METTL14: variants seen among roughly 807,000 people sequenced by gnomAD.
METTL14 encodes N(6)-adenosine-methyltransferase non-catalytic subunit METTL14.
In METTL14, 32 loss-of-function variants were observed where a neutral mutation model predicts 62.4. The observed-to-expected ratio is 0.51, with a 90% confidence interval of 0.39 to 0.69. METTL14 has a LOEUF of 0.69. Among genes scored for constraint, METTL14 ranks in the 30% least tolerant of loss-of-function variants. The pLI is 0.00. For synonymous variants in METTL14, 150 were observed against 180.0 expected (o/e 0.83, Z 1.34); for missense variants, 340 against 551.9 (o/e 0.62, Z 3.85).
chr4:118,691,130 T>G (rs974091451), intron 3 of METTL14, among the ~76,000 whole-genome samples: 3 of 152,190 alleles, frequency 2.0e-5, no homozygotes, highest in Admixed American at 6.5e-5. Context: ...AATTAAAATG[T>G]TAGTGATTAT....
intron 6 of METTL14, among the ~76,000 whole-genome samples, chr4:118,695,755 A>G (rs1426137379): frequency 1.3e-5 from 2 of 152,186 alleles, no homozygotes; most frequent in Non-Finnish European, 2.9e-5. Context: ...TCAGAAATGT[A>G]TATGAGATCT....
chr4:118,699,198 G>A (rs1243121048), intron 7 of METTL14, among the ~76,000 whole-genome samples: 2 of 152,088 alleles, frequency 1.3e-5, no homozygotes, highest in Non-Finnish European at 2.9e-5. Flanking sequence ...GTTAATGGTA[G>A]TTACTACTCT....
chr4:118,700,072 G>A (rs914677764), intron 7 of METTL14, among the ~76,000 whole-genome samples: 7 of 151,594 alleles, frequency 4.6e-5, no homozygotes, highest in East Asian at 1.9e-4. Context: ...AGTAGTAATC[G>A]TAGCAAAATA....
At position 118,704,052 on chromosome 4, in the gene METTL14, G is replaced by T. The variant is rs1020837392; in HGVS notation, c.855+1G>T. On this transcript the variant is annotated splice_donor_variant, in intron 9 of 10. Coordinates refer to ENST00000388822, the MANE Select transcript of METTL14 (RefSeq NM_020961.4). LOFTEE classifies it high-confidence loss of function. ...AAAGGCTGTCTTTCAGAGAACAAAG[G>T]TATTGCCTTTACTGATTTGTTTTTT... 6.5e-7 allele frequency: 1 copy of T among 1,530,790 alleles called. No homozygotes were observed. Among genetic ancestry groups the T allele is most frequent in the Non-Finnish European group, 8.9e-7 (1 of 1,124,440 alleles). 94.8% of individuals were successfully genotyped at this position (1,530,790 alleles called of 1,614,324 possible).
At chr4:118,686,374 A>G (rs1245916785) in intron 1 of METTL14, among the ~76,000 whole-genome samples, 3 of 152,254 alleles carry the variant, frequency 2.0e-5, no homozygotes, top group Non-Finnish European at 2.9e-5. Flanking sequence ...CAGATTGTGC[A>G]CAGTTCTACT....
chr4:118,712,179 AACTTTC>A lies in METTL14; in HGVS notation c.*1885_*1890del, dbSNP rs1724940263. The A allele has an allele frequency of 6.6e-6, 1 of 152,212 alleles. No individual in the cohort carries two copies. Among genetic ancestry groups the A allele is most frequent in the Non-Finnish European group, 1.5e-5 (1 of 68,034 alleles). The allele number at this position is 152,212 out of a possible 1,614,324, so 9.4% of individuals were successfully genotyped here. The stretch of plus-strand genomic sequence containing the variant: ...TGGAATTGATTCACTAGTTTTTGCT[AACTTTC>A]ACTTTCAGTAAAGGTTGAGGTGTTG... On this transcript the variant is annotated 3_prime_UTR_variant, in exon 11 of 11. Coordinates refer to ENST00000388822, the MANE Select transcript of METTL14 (RefSeq NM_020961.4).
rs760351173 is a variant in METTL14, at chr4:118,700,684, G to GA, written c.738+49dup. On this transcript the variant is annotated intron_variant, in intron 8 of 10. Transcript: ENST00000388822. ...ATAAAGTGGATTTTTAAATTAATAA[G>GA]AAAAAAATGTAACAGTATGTTGCAT... is the stretch of plus-strand genomic sequence containing the variant. 6.4e-6 allele frequency: 9 copies of GA among 1,398,618 alleles called. No individual in the cohort carries two copies. The Admixed American group carries it at 9.9e-5, about 15-fold the overall frequency. The allele number at this position is 1,398,618 out of a possible 1,614,324, so 86.6% of individuals were successfully genotyped here.
At chr4:118,698,536 G>T (rs1724493982) in intron 7 of METTL14, among the ~76,000 whole-genome samples, 1 of 151,712 alleles carries the variant, frequency 6.6e-6, no homozygotes, top group South Asian at 2.1e-4. Context: ...ATGCTGAGAT[G>T]AAGGGACGCT....
rs767601301 is a variant in METTL14, at chr4:118,714,052, G to A, written c.*3750G>A. On this transcript the variant is annotated 3_prime_UTR_variant, in exon 11 of 11. Coordinates refer to ENST00000388822, the MANE Select transcript of METTL14 (RefSeq NM_020961.4). ...TGCTAATAAACTGAAATCAGATAAG[G>A]TAGGTTTTTCCAAAAATACTTCTAA... 1.3e-5 allele frequency: 2 copies of A among 152,152 alleles called. No individual in the cohort carries two copies. The allele number at this position is 152,152 out of a possible 1,614,324, so 9.4% of individuals were successfully genotyped here.
chr4:118,707,351 T>C (rs372403607), intron 10 of METTL14, among the ~76,000 whole-genome samples: 1 of 152,034 alleles, frequency 6.6e-6, no homozygotes, highest in East Asian at 1.9e-4. Flanking sequence ...GTATGTGCAA[T>C]TGAGAGTCTG....
chr4:118,688,191 T>G (rs1724134970), intron 2 of METTL14, among the ~76,000 whole-genome samples, 180 bp downstream of exon 2: 1 of 151,990 alleles, frequency 6.6e-6, no homozygotes, highest in African/African-American at 2.4e-5. Flanking sequence ...TGAGCCACTG[T>G]GCCGAGGCAG....
In METTL14 at chr4:118,696,117, C is replaced by CAAAAAAAAAAAAAAAAAAAAAAAAAAAAA. The variant is rs70941201; in HGVS notation, c.504-1037_504-1036insAAAAAAAAAAAAAAAAAAAAAAAAAAAAA. ...CTGGCAACAGAGTGAGACTCTGTCT[C>CAAAAAAAAAAAAAAAAAAAAAAAAAAAAA]AAAAAAAAAAAAAAAAAAAAAAAAA... On this transcript the variant is annotated intron_variant, in intron 6 of 10. Transcript: ENST00000388822. Among the ~76,000 whole-genome samples the CAAAAAAAAAAAAAAAAAAAAAAAAAAAAA allele has an allele frequency of 1.8e-4, 6 of 33,910 alleles. 2 individuals carry two copies. The highest frequency in any genetic ancestry group is 3.3e-4 in the African/African-American group (2 of 6,004). The allele number at this position is 33,910 out of a possible 152,430, so 22.2% of individuals were successfully genotyped here.
chr4:118,696,234 A>T (rs1724409126), intron 6 of METTL14, among the ~76,000 whole-genome samples: 2 of 151,498 alleles, frequency 1.3e-5, no homozygotes, highest in Non-Finnish European at 2.9e-5. Context: ...ATCGTATTTT[A>T]AAATACACCT....
chr4:118,708,198 A>G (rs1003153982), intron 10 of METTL14, among the ~76,000 whole-genome samples: 1 of 152,202 alleles, frequency 6.6e-6, no homozygotes, highest in African/African-American at 2.4e-5. Context: ...GTTGCTGTGC[A>G]GAATTTGGAA....
intron 8 of METTL14, among the ~76,000 whole-genome samples, chr4:118,701,522 T>A (rs970762050): frequency 6.6e-6 from 1 of 152,144 alleles, no homozygotes; most frequent in Non-Finnish European, 1.5e-5. Context: ...AAATAATATA[T>A]ATGCTGTTTT....
chr4:118,693,486 A>G (rs1235729030), intron 5 of METTL14, among the ~76,000 whole-genome samples: 1 of 152,164 alleles, frequency 6.6e-6, no homozygotes, highest in Non-Finnish European at 1.5e-5. Context: ...CTTTCTTGAT[A>G]GTATATTTTG....
chr4:118,688,787 C>T (rs915338914), intron 2 of METTL14, among the ~76,000 whole-genome samples: 1 of 152,122 alleles, frequency 6.6e-6, no homozygotes, highest in African/African-American at 2.4e-5. Context: ...AATTCTCCTG[C>T]CTCAGCCTCC....
chr4:118,696,442 A>C (rs913840568), intron 6 of METTL14, among the ~76,000 whole-genome samples: 1 of 152,008 alleles, frequency 6.6e-6, no homozygotes, highest in Non-Finnish European at 1.5e-5. Context: ...TAAGGTGGGA[A>C]GATCACTTGA....
At chr4:118,690,599 G>T (rs1433365015) in intron 3 of METTL14, among the ~76,000 whole-genome samples, 1 of 151,042 alleles carries the variant, frequency 6.6e-6, no homozygotes, top group Non-Finnish European at 1.5e-5. Flanking sequence ...AGAATCGCTT[G>T]AACCTGGGAG....
Sources: allele counts gnomAD v4.1 joint callset (sites outside exome capture counted in the v4.1 genomes callset), GRCh38; gene constraint gnomAD v4.1.1; transcripts MANE v1.5; gene names NCBI Gene and HGNC (gene_info 2026-07-23, HGNC 2026-07-21).